Variants in UBR2 observed in about 807,000 individuals in gnomAD.
UBR2 encodes ubiquitin protein ligase E3 component n-recognin 2.
Under a neutral mutation model 247.9 loss-of-function variants are expected in UBR2, and 92 were observed. The observed-to-expected ratio is 0.37, with a 90% confidence interval of 0.31 to 0.44. The LOEUF (loss-of-function observed/expected upper bound fraction) is 0.44. UBR2 is among the 20% of genes least tolerant of loss of function. UBR2 has a pLI of 1.00. For synonymous variants in UBR2, 672 were observed against 693.5 expected (o/e 0.97, Z 0.49); for missense variants, 1,613 against 2,112.6 (o/e 0.76, Z 4.64).
At chr6:42,570,613 T>C (rs1562271981) in intron 1 of UBR2, among the ~76,000 whole-genome samples, 1 of 152,164 alleles carries the variant, frequency 6.6e-6, no homozygotes, top group Non-Finnish European at 1.5e-5. Flanking sequence ...TATAATAATA[T>C]GTAATAAAGA....
At chr6:42,668,056 GCCT>G (rs922018104) in intron 34 of UBR2, among the ~76,000 whole-genome samples, 1 of 152,032 alleles carries the variant, frequency 6.6e-6, no homozygotes, top group African/African-American at 2.4e-5. Context: ...ACCACACCTG[GCCT>G]CCTAACAACT....
In UBR2 at chr6:42,691,107, A is replaced by G. The variant is rs903771966; in HGVS notation, c.5202A>G (p.Thr1734=). ...AGCTCTGGCACCAACACAGTGTCAC[A>G]GAGGAAATTGGACATGCACAGGAAG... ...IQKLWHQHSV[T]EEIGHAQEAN... The change falls in exon 47 of 47, where the codon ACA becomes ACG. Residue 1734 remains threonine, a synonymous_variant. Coordinates refer to ENST00000372901, the MANE Select transcript of UBR2 (RefSeq NM_001363705.2). 8 of 1,614,236 alleles carry G rather than the reference A, an allele frequency of 5.0e-6. No individual in the cohort carries two copies. Among genetic ancestry groups the G allele is most frequent in the Non-Finnish European group, 6.8e-6 (8 of 1,180,038 alleles).
Position 42,665,379 on chromosome 6 carries a change from A to G in UBR2, c.3699-30A>G, listed in dbSNP as rs758633438. ...TTGTATCTTAAGGAACAATAATAAA[A>G]CACTAAATACTCTCTATAATCTTTT... On this transcript the variant is annotated intron_variant, in intron 32 of 46. Coordinates refer to ENST00000372901, the MANE Select transcript of UBR2 (RefSeq NM_001363705.2). The G allele has an allele frequency of 4.0e-6, 6 of 1,514,370 alleles. No individual in the cohort carries two copies. In the Admixed American group the frequency reaches 1.1e-4, roughly 27 times the overall value. 93.8% of individuals were successfully genotyped at this position (1,514,370 alleles called of 1,614,324 possible). A position where few individuals can be genotyped will look rare whatever the true frequency, so the allele number is the denominator to read the frequency against.
chr6:42,652,027 A>G lies in UBR2; in HGVS notation c.2570A>G (p.Glu857Gly). The change falls in exon 24 of 47, where the codon GAA (glutamate) becomes GGA (glycine). Residue 857 changes from glutamate to glycine, a missense_variant. Coordinates refer to ENST00000372901, the MANE Select transcript of UBR2 (RefSeq NM_001363705.2). ...AATAACTTTATTTTTTATTAGGCAG[A>G]AGAAGCGCAACGGAAATTGAAAAGA... ...HFSRAEQSKA[E>G]EAQRKLKRQN... The G allele has an allele frequency of 6.3e-7, 1 of 1,594,124 alleles. No individual in the cohort carries two copies. Among genetic ancestry groups the G allele is most frequent in the South Asian group, 1.1e-5 (1 of 87,176 alleles).
chr6:42,624,902 C>T (rs1389989537), intron 11 of UBR2, among the ~76,000 whole-genome samples: 1 of 152,162 alleles, frequency 6.6e-6, no homozygotes, highest in African/African-American at 2.4e-5. Context: ...ATAATTCAGG[C>T]CCCTTTCATC....
chr6:42,674,210 T>A lies in UBR2; in HGVS notation c.4251+17T>A. The stretch of plus-strand genomic sequence containing the variant: ...CATTTATTGGTGGGTATTGTGCAGT[T>A]TGTTTGGACTTCTACGTCATACTAT... On this transcript the variant is annotated intron_variant, in intron 38 of 46. Transcript: ENST00000372901. The A allele has an allele frequency of 1.9e-6, 3 of 1,611,426 alleles. No individual in the cohort carries two copies. Among genetic ancestry groups the A allele is most frequent in the Non-Finnish European group, 2.5e-6 (3 of 1,178,516 alleles).
rs760621623 is a variant in UBR2, at chr6:42,601,897, T to G, written c.532-1691T>G. ...TTTCTTTTTTTTTTTTTTGATGGAG[T>G]TTTGCTCTGTTGCCCAGGCTGGAGT... On this transcript the variant is annotated intron_variant, in intron 4 of 46. Transcript: ENST00000372901. 2.8e-3 allele frequency among the ~76,000 whole-genome samples: 262 copies of G among 92,184 alleles called. 5 individuals carry two copies. The highest frequency in any genetic ancestry group is 5.7e-3 in the Middle Eastern group (1 of 174). 60.5% of individuals were successfully genotyped at this position (92,184 alleles called of 152,430 possible).
At position 42,648,966 on chromosome 6, in the gene UBR2, G is replaced by C. The variant is rs186793133; in HGVS notation, c.2462+796G>C. Reference sequence around the variant, plus strand: ...GGGGGCGGGTTGTTGGTTTTATTGGGTTTTTTTAGTTTTTACATAATATAC... The same window carrying C: ...GGGGGCGGGTTGTTGGTTTTATTGGCTTTTTTTAGTTTTTACATAATATAC... On this transcript the variant is annotated intron_variant, in intron 22 of 46. Coordinates refer to ENST00000372901, the MANE Select transcript of UBR2 (RefSeq NM_001363705.2). Among the ~76,000 whole-genome samples, 1,298 of 152,034 alleles carry C rather than the reference G, an allele frequency of 8.5e-3. 8 individuals carry two copies. Among genetic ancestry groups the C allele is most frequent in the Non-Finnish European group, 0.015 (988 of 67,962 alleles).
chr6:42,579,452 A>G (rs991955370), intron 2 of UBR2, among the ~76,000 whole-genome samples: 51 of 152,322 alleles, frequency 3.3e-4, no homozygotes, highest in Admixed American at 3.0e-3. Flanking sequence ...TATCCAAACT[A>G]TATCAAGCTA....
intron 36 of UBR2, among the ~76,000 whole-genome samples, chr6:42,672,542 T>G (rs547523549): frequency 1.3e-5 from 2 of 152,070 alleles, no homozygotes; most frequent in Admixed American, 6.5e-5. Flanking sequence ...CTTCATACTT[T>G]TACAAACTTC....
intron 4 of UBR2, among the ~76,000 whole-genome samples, chr6:42,595,909 A>G (rs185980227): frequency 5.5e-4 from 83 of 152,032 alleles, no homozygotes; most frequent in Middle Eastern, 3.4e-3. Flanking sequence ...TAAGATGCCA[A>G]GTGGTCAAGG....
chr6:42,634,026 A>G (rs1017581124), intron 13 of UBR2, among the ~76,000 whole-genome samples: 8 of 152,078 alleles, frequency 5.3e-5, no homozygotes, highest in African/African-American at 1.2e-4. Context: ...CCACTGCGCC[A>G]GCCACTTTTA....
In UBR2 at chr6:42,603,782, A is replaced by G. The variant is rs1050345359; in HGVS notation, c.662+64A>G. ...GCTAAATTTTAACTTTAACACAGCT[A>G]GTATAGGGCATAATCATTTTTTAAT... On this transcript the variant is annotated intron_variant, in intron 5 of 46. Transcript: ENST00000372901. 8.4e-5 allele frequency: 123 copies of G among 1,455,788 alleles called. 1 individual carries two copies. Among genetic ancestry groups the G allele is most frequent in the Middle Eastern group, 1.9e-4 (1 of 5,320 alleles). 90.2% of individuals were successfully genotyped at this position (1,455,788 alleles called of 1,614,324 possible).
chr6:42,641,220 T>G (rs752615188), intron 16 of UBR2, among the ~76,000 whole-genome samples: 21 of 152,100 alleles, frequency 1.4e-4, no homozygotes, highest in South Asian at 4.2e-4. Flanking sequence ...TCGCAGCACT[T>G]TGGGAAGCTG....
Position 42,686,036 on chromosome 6 carries a change from TAA to T in UBR2, c.4853+1166_4853+1167del, listed in dbSNP as rs577370680. Among the ~76,000 whole-genome samples the T allele has an allele frequency of 1.6e-3, 248 of 152,242 alleles. 4 individuals are homozygous for T. Among genetic ancestry groups the T allele is most frequent in the Non-Finnish European group, 1.1e-3 (73 of 68,022 alleles). ...ATTCCATTCCTATACATTAACTATA[TAA>T]GTTTCTATTCTTGAGCAGCATGTAT... On this transcript the variant is annotated intron_variant, in intron 44 of 46. Coordinates refer to ENST00000372901, the MANE Select transcript of UBR2 (RefSeq NM_001363705.2).
intron 10 of UBR2, chr6:42,617,135 A>G: frequency 1.1e-6 from 1 of 905,500 alleles, no homozygotes; most frequent in Non-Finnish European, 1.8e-6. Flanking sequence ...TATTGTTCTC[A>G]TAGCAGTGTT....
At chr6:42,680,003 TTTTG>T (rs977420174) in intron 42 of UBR2, among the ~76,000 whole-genome samples, 171 bp downstream of exon 42, 3 of 151,966 alleles carry the variant, frequency 2.0e-5, no homozygotes, top group African/African-American at 7.3e-5. Flanking sequence ...TTTGTTTTGT[TTTTG>T]TTTTTGTTTT....
At chr6:42,620,621 G>C (rs557186102) in intron 11 of UBR2, among the ~76,000 whole-genome samples, 1 of 149,822 alleles carries the variant, frequency 6.7e-6, no homozygotes, top group Non-Finnish European at 1.5e-5. Context: ...GCCCAGCTAA[G>C]TTTTTGTATT....
intron 2 of UBR2, among the ~76,000 whole-genome samples, chr6:42,579,784 A>T (rs1297856077): frequency 1.3e-5 from 2 of 152,210 alleles, no homozygotes; most frequent in African/African-American, 2.4e-5. Context: ...CTGGGATTAC[A>T]GGTGTGAACC....
Sources: allele counts gnomAD v4.1 joint callset (sites outside exome capture counted in the v4.1 genomes callset), GRCh38; gene constraint gnomAD v4.1.1; transcripts MANE v1.5; gene names NCBI Gene and HGNC (gene_info 2026-07-23, HGNC 2026-07-21).